The following RFX3 variants were observed in gnomAD, a reference collection of about 807,000 sequenced individuals.
RFX3 encodes regulatory factor X3.
Under a neutral mutation model 98.6 loss-of-function variants are expected in RFX3, and 14 were observed. That is an observed-to-expected ratio of 0.14 (90% CI 0.09 to 0.22). The LOEUF (loss-of-function observed/expected upper bound fraction) is 0.22, where lower values mean the gene tolerates loss of function less well. Ranked by LOEUF, RFX3 falls within the 10% of genes least tolerant of loss-of-function variation. The pLI is 1.00. For missense variants in RFX3, 639 were observed against 926.9 expected, an observed-to-expected ratio of 0.69 and a Z score of 4.03; for synonymous variants, 383 against 328.4, an observed-to-expected ratio of 1.17 and a Z score of -1.80.
chr9:3,324,501 C>A (rs775845500), intron 4 of RFX3, among the ~76,000 whole-genome samples: 1 of 148,948 alleles, frequency 6.7e-6, no homozygotes, highest in Non-Finnish European at 1.5e-5. Context: ...GGGAGTTCTT[C>A]GTGTGCTAAT....
intron 1 of RFX3, among the ~76,000 whole-genome samples, chr9:3,429,237 T>C (rs923159002): frequency 3.1e-4 from 47 of 151,022 alleles, no homozygotes; most frequent in African/African-American, 9.7e-4. Flanking sequence ...TTAGCCAAGA[T>C]GGTCTCGATC....
chr9:3,235,308 G>T (rs775426308), intron 15 of RFX3, among the ~76,000 whole-genome samples: 1 of 152,168 alleles, frequency 6.6e-6, no homozygotes, highest in African/African-American at 2.4e-5. Context: ...TTCAGCGTGG[G>T]TCATCAATGG....
chr9:3,293,327 A>C, intron 5 of RFX3, 69 bp from the exon 6 acceptor site: 1 of 1,098,944 alleles, frequency 9.1e-7, no homozygotes, highest in Non-Finnish European at 1.3e-6. Flanking sequence ...AAGACACTGC[A>C]AATGCAACAT....
intron 1 of RFX3, among the ~76,000 whole-genome samples, chr9:3,467,087 TAC>T (rs369062110): frequency 1.4e-5 from 2 of 141,626 alleles, no homozygotes; most frequent in East Asian, 2.0e-4. Flanking sequence ...TGTATATACA[TAC>T]ATATATGTAA....
At chr9:3,475,895 T>C (rs114519428) in intron 1 of RFX3, among the ~76,000 whole-genome samples, 3,903 of 152,212 alleles carry the variant, frequency 0.026, 184 homozygotes, top group African/African-American at 0.089. Flanking sequence ...GTAGGTGTTT[T>C]CCCTTCGCAC....
chr9:3,303,647 G>GA (rs150313993), intron 4 of RFX3, among the ~76,000 whole-genome samples: 15,830 of 143,812 alleles, frequency 0.11, 1,171 homozygotes, highest in East Asian at 0.44. Flanking sequence ...CTTTTTCTGG[G>GA]AAAAAAAAAA....
At chr9:3,443,306 T>C (rs566685571) in intron 1 of RFX3, among the ~76,000 whole-genome samples, 49 of 152,280 alleles carry the variant, frequency 3.2e-4, no homozygotes, top group African/African-American at 1.2e-3. Flanking sequence ...ATCACCTAGA[T>C]ATTAAGCCCA....
chr9:3,330,232 T>C (rs761988336), intron 4 of RFX3, 27 bp downstream of exon 4: 1 of 1,612,586 alleles, frequency 6.2e-7, no homozygotes, highest in Non-Finnish European at 8.5e-7. Context: ...AAAGCTAAAC[T>C]AAACTACTAA....
At chr9:3,396,300 T>C (rs1314338186) in intron 1 of RFX3, among the ~76,000 whole-genome samples, 2 of 152,160 alleles carry the variant, frequency 1.3e-5, no homozygotes, top group African/African-American at 4.8e-5. Flanking sequence ...GTTTGGTTTT[T>C]TGTCCTTGCA....
chr9:3,512,599 T>C (rs1250401995), intron 1 of RFX3, among the ~76,000 whole-genome samples: 1 of 151,922 alleles, frequency 6.6e-6, no homozygotes, highest in Non-Finnish European at 1.5e-5. Context: ...ATTTAATCTT[T>C]TCTATATACA....
At chr9:3,314,171 C>G (rs533201285) in intron 4 of RFX3, among the ~76,000 whole-genome samples, 1 of 152,328 alleles carries the variant, frequency 6.6e-6, no homozygotes, top group African/African-American at 2.4e-5. Context: ...AACAGCGGAT[C>G]TCTTGGCAGA....
chr9:3,315,805 C>T (rs1830515424), intron 4 of RFX3, among the ~76,000 whole-genome samples: 1 of 152,134 alleles, frequency 6.6e-6, no homozygotes, highest in Non-Finnish European at 1.5e-5. Flanking sequence ...GACACATACA[C>T]CCTCCCAAGA....
chr9:3,489,437 ACAAG>A (rs1376597563), intron 1 of RFX3: 93 of 985,080 alleles, frequency 9.4e-5, no homozygotes, highest in Non-Finnish European at 1.1e-4. Context: ...GTTCACACAA[ACAAG>A]CTGCTGCATC....
chr9:3,456,072 G>A (rs546993620), intron 1 of RFX3, among the ~76,000 whole-genome samples: 5 of 152,244 alleles, frequency 3.3e-5, no homozygotes, highest in East Asian at 3.8e-4. Flanking sequence ...GAAGGCAGAA[G>A]AGCACGCTCC....
chr9:3,258,865 A>G (rs1257383515), intron 13 of RFX3, among the ~76,000 whole-genome samples: 2 of 151,072 alleles, frequency 1.3e-5, no homozygotes, highest in Non-Finnish European at 3.0e-5. Context: ...TTTGTATTAT[A>G]AAACACATAT....
In RFX3 at chr9:3,375,778, G is replaced by C. The variant is rs530322553; in HGVS notation, c.117+19694C>G. On this transcript the variant is annotated intron_variant, in intron 2 of 16. Coordinates refer to ENST00000617270, the MANE Select transcript of RFX3 (RefSeq NM_001282116.2). ...GATCGAGACCATCCTGGCTAACACG[G>C]TGAAACCCCGCCTCTACTAAAAATA... is the stretch of plus-strand genomic sequence containing the variant. Among the ~76,000 whole-genome samples the C allele has an allele frequency of 7.9e-5, 12 of 152,050 alleles. No homozygotes were observed. The East Asian group carries it at 2.3e-3, about 29-fold the overall frequency.
At chr9:3,249,028 ATGTG>A (rs533455518) in intron 14 of RFX3, among the ~76,000 whole-genome samples, 67 of 151,818 alleles carry the variant, frequency 4.4e-4, no homozygotes, top group African/African-American at 1.6e-3. Flanking sequence ...AATCAGAGTG[ATGTG>A]TGTGTGTGAG....
At chr9:3,390,822 C>CT (rs1264631591) in intron 2 of RFX3, among the ~76,000 whole-genome samples, 1 of 152,138 alleles carries the variant, frequency 6.6e-6, no homozygotes, top group Non-Finnish European at 1.5e-5. Context: ...CCCTTAAATG[C>CT]TTTTTCCTGT....
Position 3,396,817 on chromosome 9 carries a change from CT to C in RFX3, c.-8-1222del, listed in dbSNP as rs1840938437. ...TGATGATGAGCATTTTTTCATGTGT[CT>C]TTTGGCTGCATAAATAGAGTAAATC... On this transcript the variant is annotated intron_variant, in intron 1 of 16. Coordinates refer to ENST00000617270, the MANE Select transcript of RFX3 (RefSeq NM_001282116.2). Among the ~76,000 whole-genome samples the C allele has an allele frequency of 5.9e-5, 9 of 152,204 alleles. No homozygotes were observed. In the South Asian group the frequency reaches 1.9e-3, roughly 32 times the overall value.
Sources: gnomAD v4.1 joint callset for allele counts (sites outside exome capture counted in the v4.1 genomes callset) on GRCh38, gnomAD v4.1.1 for gene constraint, MANE v1.5 for transcripts, NCBI Gene and HGNC (gene_info 2026-07-23, HGNC 2026-07-21) for gene names.